Variants in HIBADH observed in about 807,000 individuals in gnomAD.
HIBADH encodes 3-hydroxyisobutyrate dehydrogenase, mitochondrial.
In HIBADH, 25 loss-of-function variants were observed where a neutral mutation model predicts 36.1. The ratio of observed to expected loss-of-function variants is 0.69; its 90% CI spans 0.50 to 0.97. The LOEUF (loss-of-function observed/expected upper bound fraction) is 0.97, where lower values mean the gene tolerates loss of function less well. Ranked by LOEUF, HIBADH falls within the 50% of genes least tolerant of loss-of-function variation. HIBADH has a pLI of 0.00. For synonymous variants in HIBADH, 160 were observed against 149.5 expected, an observed-to-expected ratio of 1.07 and a Z score of -0.51; for missense variants, 421 against 418.0, an observed-to-expected ratio of 1.01 and a Z score of -0.06.
intron 4 of HIBADH, among the ~76,000 whole-genome samples, chr7:27,547,572 G>A (rs1332590034): frequency 6.6e-6 from 1 of 152,138 alleles, no homozygotes; most frequent in Non-Finnish European, 1.5e-5. Flanking sequence ...AACAGACAAC[G>A]ACTGTAATAC....
chr7:27,573,782 AAC>A (rs2128188404), intron 4 of HIBADH, among the ~76,000 whole-genome samples: 1 of 152,294 alleles, frequency 6.6e-6, no homozygotes, highest in East Asian at 1.9e-4. Context: ...TTAAGTGTAA[AAC>A]ACACATATTT....
chr7:27,651,099 C>G (rs1786183471), intron 1 of HIBADH, among the ~76,000 whole-genome samples: 1 of 152,284 alleles, frequency 6.6e-6, no homozygotes, highest in African/African-American at 2.4e-5. Flanking sequence ...AGTGCAACAA[C>G]TAATCACAGT....
chr7:27,542,165 A>C (rs1784160479), intron 5 of HIBADH, among the ~76,000 whole-genome samples: 1 of 152,020 alleles, frequency 6.6e-6, no homozygotes, highest in African/African-American at 2.4e-5. Context: ...AATGTTTTTG[A>C]TATTTCTAGG....
chr7:27,532,953 T>G (rs1784023294), intron 6 of HIBADH, among the ~76,000 whole-genome samples: 1 of 152,340 alleles, frequency 6.6e-6, no homozygotes, highest in South Asian at 2.1e-4. Context: ...ATTAGTTAAT[T>G]TGCTATAACT....
Position 27,645,383 on chromosome 7 carries a change from T to TTTGTTTGTTTTGTTTTTG in HIBADH, c.252+4089_252+4090insCAAAAACAAAACAAACAA, listed in dbSNP as rs1786049170. 3.2e-5 allele frequency among the ~76,000 whole-genome samples: 4 copies of TTTGTTTGTTTTGTTTTTG among 124,630 alleles called. 1 individual carries two copies. The highest frequency in any genetic ancestry group is 1.5e-4 in the African/African-American group (4 of 27,104). The allele number at this position is 124,630 out of a possible 152,430, so 81.8% of individuals were successfully genotyped here. On this transcript the variant is annotated intron_variant, in intron 2 of 7. Coordinates refer to ENST00000265395, the MANE Select transcript of HIBADH (RefSeq NM_152740.4). ...CATGGTTTTGATTTTTTTTTTTTTTTTTTTTTTTTTTTGAGACAGAGTCTT... is the reference window on the plus strand; with the variant it reads ...CATGGTTTTGATTTTTTTTTTTTTTTTTGTTTGTTTTGTTTTTGTTTTTTTTTTTTGAGACAGAGTCTT...
At chr7:27,659,790 G>T (rs1786379862) in intron 1 of HIBADH, among the ~76,000 whole-genome samples, 2 of 152,210 alleles carry the variant, frequency 1.3e-5, no homozygotes, top group Non-Finnish European at 2.9e-5. Context: ...GGGCACAGTG[G>T]CTAATGCCTG....
chr7:27,549,565 T>G (rs1784287736), intron 4 of HIBADH, among the ~76,000 whole-genome samples: 1 of 152,194 alleles, frequency 6.6e-6, no homozygotes, highest in Non-Finnish European at 1.5e-5. Flanking sequence ...AGTTAACATA[T>G]TTTTTAAAAA....
intron 4 of HIBADH, among the ~76,000 whole-genome samples, chr7:27,571,967 A>T (rs964735455): frequency 6.6e-6 from 1 of 152,176 alleles, no homozygotes; most frequent in Non-Finnish European, 1.5e-5. Context: ...TCCTAGTTAG[A>T]TTCTTTAACT....
intron 2 of HIBADH, among the ~76,000 whole-genome samples, chr7:27,636,235 A>C (rs549259536): frequency 6.6e-6 from 1 of 152,334 alleles, no homozygotes; most frequent in South Asian, 2.1e-4. Flanking sequence ...CACATAAGTT[A>C]AGTTCAGCAT....
intron 4 of HIBADH, among the ~76,000 whole-genome samples, chr7:27,592,478 T>C (rs991223022): frequency 1.3e-5 from 2 of 152,076 alleles, no homozygotes; most frequent in African/African-American, 4.8e-5. Flanking sequence ...AAACAAAAAG[T>C]ACTCAGACCA....
intron 4 of HIBADH, among the ~76,000 whole-genome samples, chr7:27,575,737 T>C (rs1784699857): frequency 6.6e-6 from 1 of 152,184 alleles, no homozygotes; most frequent in African/African-American, 2.4e-5. Flanking sequence ...CATGTTGTTT[T>C]TTCCCTAAGA....
chr7:27,621,349 A>G (rs549936905), intron 4 of HIBADH, among the ~76,000 whole-genome samples: 21 of 152,324 alleles, frequency 1.4e-4, no homozygotes, highest in African/African-American at 4.1e-4. Context: ...TTGAATTTAA[A>G]CTGGAGTTTA....
rs1785711494 is a variant in HIBADH at position 27,629,583 on chromosome 7, GCCATAT to G, written c.363-97_363-92del. On this transcript the variant is annotated intron_variant, in intron 3 of 7. Coordinates refer to ENST00000265395, the MANE Select transcript of HIBADH (RefSeq NM_152740.4). ...CAGAATTAGAATCTGCTGAAAAGCT[GCCATAT>G]ATCAAGGAGGATTTTAGTTTAGTAT... 21 of 814,982 alleles carry G rather than the reference GCCATAT, an allele frequency of 2.6e-5. 1 individual carries two copies. The South Asian group carries it at 6.0e-4, about 23-fold the overall frequency. 50.5% of individuals were successfully genotyped at this position (814,982 alleles called of 1,614,324 possible).
intron 2 of HIBADH, among the ~76,000 whole-genome samples, chr7:27,634,938 C>T (rs1785810856): frequency 6.6e-6 from 1 of 152,214 alleles, no homozygotes; most frequent in African/African-American, 2.4e-5. Flanking sequence ...CTGCTAACCC[C>T]TCAATTGTAT....
At chr7:27,589,035 G>A (rs1784904202) in intron 4 of HIBADH, among the ~76,000 whole-genome samples, 1 of 152,128 alleles carries the variant, frequency 6.6e-6, no homozygotes. Context: ...ATGAAAATTA[G>A]GAACTATCTG....
At chr7:27,566,001 A>G (rs1436206839) in intron 4 of HIBADH, among the ~76,000 whole-genome samples, 1 of 152,060 alleles carries the variant, frequency 6.6e-6, no homozygotes, top group Non-Finnish European at 1.5e-5. Context: ...GTTGAACAAG[A>G]TTTGCATTCT....
rs1188162045 is a variant in HIBADH at position 27,527,917 on chromosome 7, CGTTTT to C, written c.853-1550_853-1546del. Among the ~76,000 whole-genome samples the C allele has an allele frequency of 2.5e-3, 189 of 77,040 alleles. 31 individuals carry two copies. The highest frequency in any genetic ancestry group is 0.015 in the Middle Eastern group (2 of 132). The allele number at this position is 77,040 out of a possible 152,430, so 50.5% of individuals were successfully genotyped here. A position where few individuals can be genotyped will look rare whatever the true frequency, so the allele number is the denominator to read the frequency against. On this transcript the variant is annotated intron_variant, in intron 7 of 7. Coordinates refer to ENST00000265395, the MANE Select transcript of HIBADH (RefSeq NM_152740.4). ...AGGCATTTGCCACCACCACACCCAG[CGTTTT>C]TTTTTTTTTTTTTTTTTTTTAGTAG...
chr7:27,528,026 G>C (rs1479353466), intron 7 of HIBADH, among the ~76,000 whole-genome samples: 2 of 148,888 alleles, frequency 1.3e-5, no homozygotes, highest in African/African-American at 2.5e-5. Context: ...GCCTCCCAAA[G>C]TGCTGGGATT....
intron 4 of HIBADH, among the ~76,000 whole-genome samples, chr7:27,581,099 T>C (rs914914378): frequency 6.6e-6 from 1 of 152,058 alleles, no homozygotes; most frequent in African/African-American, 2.4e-5. Context: ...GTTTAGGTGA[T>C]GGAAAAGAAT....
Sources: allele counts gnomAD v4.1 joint callset (sites outside exome capture counted in the v4.1 genomes callset), GRCh38; gene constraint gnomAD v4.1.1; transcripts MANE v1.5; gene names NCBI Gene and HGNC (gene_info 2026-07-23, HGNC 2026-07-21).